CALN1: variants seen among roughly 807,000 people sequenced by gnomAD.
The protein encoded by CALN1 is calneuron 1.
Under a neutral mutation model 30.6 loss-of-function variants are expected in CALN1, and 17 were observed. The observed-to-expected ratio is 0.56, with a 90% CI of 0.38 to 0.83. The LOEUF (loss-of-function observed/expected upper bound fraction) is 0.83, where lower values mean the gene tolerates loss of function less well. Ranked by LOEUF, CALN1 falls within the 40% of genes least tolerant of loss-of-function variation. The probability of loss-of-function intolerance (pLI) is 0.00; values close to 1 mark genes in which losing one functional copy is unlikely to be tolerated. For missense variants in CALN1, 291 were observed against 354.9 expected (o/e 0.82, Z 1.45); for synonymous variants, 156 against 131.4 (o/e 1.19, Z -1.28).
intron 3 of CALN1, among the ~76,000 whole-genome samples, chr7:72,225,968 C>T (rs181264478): frequency 6.6e-6 from 1 of 151,930 alleles, no homozygotes; most frequent in East Asian, 2.0e-4. Flanking sequence ...TGGTGGCACA[C>T]ACCTGTAGTC....
intron 5 of CALN1, among the ~76,000 whole-genome samples, chr7:71,896,407 A>G (rs527897981): frequency 7.2e-5 from 11 of 152,344 alleles, no homozygotes; most frequent in African/African-American, 2.6e-4. Context: ...TTAATAAAAG[A>G]TTAGGTTTCC....
At position 71,972,008 on chromosome 7, in the gene CALN1, A is replaced by AAAGAAAGAAAAGAAAGAAAAG. The variant is rs1797864876; in HGVS notation, c.501+51648_501+51649insCTTTTCTTTCTTTTCTTTCTT. 1.5e-4 allele frequency among the ~76,000 whole-genome samples: 22 copies of AAAGAAAGAAAAGAAAGAAAAG among 145,766 alleles called. No individual in the cohort carries two copies. The South Asian group carries it at 4.6e-3, about 30-fold the overall frequency. On this transcript the variant is annotated intron_variant, in intron 5 of 6. Coordinates refer to ENST00000395275, the MANE Select transcript of CALN1 (RefSeq NM_031468.4). The stretch of plus-strand genomic sequence containing the variant: ...AAGAAAGAAAGAGAAAGAAAGAAAA[A>AAAGAAAGAAAAGAAAGAAAAG]AAGAAAGAAAAGAAAGAAAGAAAGA...
intron 5 of CALN1, among the ~76,000 whole-genome samples, chr7:72,019,666 A>G (rs1014471782): frequency 2.0e-5 from 3 of 152,130 alleles, no homozygotes; most frequent in Admixed American, 1.3e-4. Flanking sequence ...GCCACCAGGA[A>G]GCACATCTTC....
At position 72,176,898 on chromosome 7, in the gene CALN1, G is replaced by C. The variant is rs1023876336; in HGVS notation, c.245-70604C>G. 3.9e-5 allele frequency among the ~76,000 whole-genome samples: 6 copies of C among 152,090 alleles called. No individual in the cohort carries two copies. The South Asian group carries it at 6.2e-4, about 16-fold the overall frequency. ...CCCAAGAACACTTACACTGAAGATG[G>C]ATGATTTTTAGGCTTGCTCCCTTCC... On this transcript the variant is annotated intron_variant, in intron 3 of 6. Coordinates refer to ENST00000395275, the MANE Select transcript of CALN1 (RefSeq NM_031468.4).
intron 2 of CALN1, among the ~76,000 whole-genome samples, chr7:72,374,267 G>A (rs765231496): frequency 1.3e-5 from 2 of 152,152 alleles, no homozygotes; most frequent in East Asian, 1.9e-4. Context: ...AGTGGCTCAC[G>A]CCTATAATCC....
intron 2 of CALN1, among the ~76,000 whole-genome samples, chr7:72,314,413 A>G (rs1427265248): frequency 6.7e-6 from 1 of 150,326 alleles, no homozygotes; most frequent in Non-Finnish European, 1.5e-5. Flanking sequence ...ATACACATAT[A>G]TATACACACA....
intron 5 of CALN1, among the ~76,000 whole-genome samples, chr7:71,888,227 T>C (rs1238872504): frequency 6.6e-6 from 1 of 151,864 alleles, no homozygotes; most frequent in East Asian, 1.9e-4. Flanking sequence ...AGTCAAACAA[T>C]TTTGGCTAAC....
chr7:72,042,482 C>T (rs1452243718), intron 4 of CALN1, among the ~76,000 whole-genome samples: 1 of 152,160 alleles, frequency 6.6e-6, no homozygotes, highest in East Asian at 1.9e-4. Flanking sequence ...TGCTGCTCAC[C>T]AGGAAAGTTC....
At chr7:71,925,769 G>A (rs1319730145) in intron 5 of CALN1, among the ~76,000 whole-genome samples, 7 of 152,044 alleles carry the variant, frequency 4.6e-5, no homozygotes, top group Admixed American at 4.6e-4. Context: ...GCAGGATGTT[G>A]AGCTTTCTCG....
At chr7:71,857,042 G>A (rs993308067) in intron 5 of CALN1, among the ~76,000 whole-genome samples, 15 of 151,846 alleles carry the variant, frequency 9.9e-5, no homozygotes, top group African/African-American at 3.1e-4. Flanking sequence ...GTGTGTGTGT[G>A]TGTGTGTGTG....
At chr7:72,368,141 C>G (rs1803984803) in intron 2 of CALN1, among the ~76,000 whole-genome samples, 1 of 150,772 alleles carries the variant, frequency 6.6e-6, no homozygotes, top group South Asian at 2.1e-4. Flanking sequence ...ATATCTGTAT[C>G]TATATCTATG....
At chr7:72,155,336 C>T (rs530744248) in intron 3 of CALN1, among the ~76,000 whole-genome samples, 3 of 151,372 alleles carry the variant, frequency 2.0e-5, no homozygotes, top group South Asian at 4.2e-4. Flanking sequence ...ACTAAAAATA[C>T]AAAAAATTAG....
At chr7:72,491,026 C>T in the CALN1 span, among the ~76,000 whole-genome samples, 9 of 151,988 alleles carry the variant, frequency 5.9e-5, no homozygotes, top group Middle Eastern at 3.4e-3. Context: ...GGGTGGATCA[C>T]GAGGTCAGGA....
intron 4 of CALN1, among the ~76,000 whole-genome samples, chr7:72,043,912 CAA>C (rs1264718102): frequency 6.6e-6 from 1 of 152,124 alleles, no homozygotes; most frequent in Non-Finnish European, 1.5e-5. Context: ...AAAGGAGGAG[CAA>C]GTTACATGGA....
chr7:71,885,125 TG>T (rs1356798097), intron 5 of CALN1, among the ~76,000 whole-genome samples: 1 of 152,206 alleles, frequency 6.6e-6, no homozygotes. Flanking sequence ...TGAGTTGTCC[TG>T]CCTTTCTGGA....
At chr7:72,215,876 C>T (rs1419849794) in intron 3 of CALN1, among the ~76,000 whole-genome samples, 2 of 152,120 alleles carry the variant, frequency 1.3e-5, no homozygotes, top group African/African-American at 2.4e-5. Context: ...TTGGTCCCGG[C>T]CACTTCTACC....
At chr7:72,174,985 GTAT>G (rs1789242985) in intron 3 of CALN1, among the ~76,000 whole-genome samples, 1 of 149,330 alleles carries the variant, frequency 6.7e-6, no homozygotes, top group African/African-American at 2.5e-5. Context: ...TTGGGTGGTA[GTAT>G]TATAGGTATA....
intron 2 of CALN1, among the ~76,000 whole-genome samples, chr7:72,384,034 G>A (rs893438774): frequency 6.6e-6 from 1 of 152,166 alleles, no homozygotes; most frequent in Non-Finnish European, 1.5e-5. Context: ...CAATAGCAAA[G>A]ACTTGGAACC....
intron 5 of CALN1, among the ~76,000 whole-genome samples, chr7:71,821,798 T>G (rs1788609065): frequency 6.6e-6 from 1 of 151,706 alleles, no homozygotes; most frequent in African/African-American, 2.4e-5. Flanking sequence ...CTTTTTTTTT[T>G]TTTTTTTGAG....
Sources: gnomAD v4.1 joint callset for allele counts (sites outside exome capture counted in the v4.1 genomes callset) on GRCh38, gnomAD v4.1.1 for gene constraint, MANE v1.5 for transcripts, NCBI Gene and HGNC (gene_info 2026-07-23, HGNC 2026-07-21) for gene names.